The following BIN3 variants were observed in gnomAD, a reference collection of about 807,000 sequenced individuals.
The protein encoded by BIN3 is bridging integrator 3.
BIN3 carries 41 observed loss-of-function variants against 38.2 expected under a neutral mutation model. The ratio of observed to expected loss-of-function variants is 1.07; its 90% CI spans 0.84 to 1.39. The LOEUF is 1.39. Among genes scored for constraint, BIN3 ranks in the 40% most tolerant of loss-of-function variants. The pLI, the probability that BIN3 is intolerant of heterozygous loss-of-function variation, is 0.00. For missense variants in BIN3, 361 were observed against 324.3 expected, an observed-to-expected ratio of 1.11 and a Z score of -0.87; for synonymous variants, 145 against 122.6, an observed-to-expected ratio of 1.18 and a Z score of -1.21.
At chr8:22,629,875 C>T (rs6558170) in intron 6 of BIN3, 89 bp downstream of exon 6, 4 of 1,290,090 alleles carry the variant, frequency 3.1e-6, no homozygotes, top group South Asian at 2.5e-5. Flanking sequence ...TCTGGGGACA[C>T]GCAGCTAGAA....
chr8:22,637,731 G>C (rs1329732398), intron 2 of BIN3, among the ~76,000 whole-genome samples: 1 of 152,198 alleles, frequency 6.6e-6, no homozygotes, highest in East Asian at 1.9e-4. Flanking sequence ...CATGCAATGG[G>C]AAGTAAATGA....
Position 22,658,710 on chromosome 8 carries a change from C to T in BIN3, c.8+10334G>A, listed in dbSNP as rs549661913. Among the ~76,000 whole-genome samples, 4 of 152,272 alleles carry T rather than the reference C, an allele frequency of 2.6e-5. No individual in the cohort carries two copies. In the East Asian group the frequency reaches 7.7e-4, roughly 29 times the overall value. ...GGCCTGGCTTGGGGATGGAAAGAAC[C>T]CTGGAGTGATTCAGTCTGCCCCACC... On this transcript the variant is annotated intron_variant, in intron 1 of 8. Coordinates refer to ENST00000276416, the MANE Select transcript of BIN3 (RefSeq NM_018688.6).
chr8:22,627,670 C>A (rs910361237), intron 6 of BIN3, among the ~76,000 whole-genome samples: 1 of 152,206 alleles, frequency 6.6e-6, no homozygotes, highest in African/African-American at 2.4e-5. Flanking sequence ...TCTCTCCCTG[C>A]CCACCTCAGC....
chr8:22,637,243 G>C (rs1481435936), intron 2 of BIN3, among the ~76,000 whole-genome samples: 1 of 152,146 alleles, frequency 6.6e-6, no homozygotes, highest in Non-Finnish European at 1.5e-5. Flanking sequence ...CAAGGCACTC[G>C]CTGCATGCCC....
intron 4 of BIN3, among the ~76,000 whole-genome samples, chr8:22,634,692 C>T (rs138298394): frequency 2.5e-4 from 38 of 152,290 alleles, no homozygotes; most frequent in African/African-American, 7.5e-4. Context: ...AGTGAGGCCG[C>T]CCCATTTGCA....
chr8:22,638,248 CT>C (rs1802434416), intron 2 of BIN3, among the ~76,000 whole-genome samples: 1 of 152,220 alleles, frequency 6.6e-6, no homozygotes, highest in African/African-American at 2.4e-5. Flanking sequence ...AACCTTAGCA[CT>C]CCACGTTTGG....
chr8:22,621,647 C>T, intron 8 of BIN3, 79 bp from the exon 9 acceptor site: 13 of 1,404,316 alleles, frequency 9.3e-6, no homozygotes, highest in South Asian at 1.2e-5. Flanking sequence ...TCACACTTCT[C>T]TGCTACCCCC....
At chr8:22,661,955 G>A (rs1051533631) in intron 1 of BIN3, among the ~76,000 whole-genome samples, 20 of 151,114 alleles carry the variant, frequency 1.3e-4, no homozygotes, top group South Asian at 8.4e-4. Context: ...CACCATGCCC[G>A]GCTAATTTTT....
intron 1 of BIN3, among the ~76,000 whole-genome samples, chr8:22,660,247 A>C (rs1223265396): frequency 6.6e-6 from 1 of 152,248 alleles, no homozygotes; most frequent in Non-Finnish European, 1.5e-5. Context: ...ACAAGTAATC[A>C]CCGATTCTCA....
At chr8:22,658,832 A>C (rs1463759135) in intron 1 of BIN3, among the ~76,000 whole-genome samples, 1 of 151,584 alleles carries the variant, frequency 6.6e-6, no homozygotes, top group Admixed American at 6.6e-5. Context: ...CTGAGCAAAG[A>C]GTAGGCGGTG....
At chr8:22,647,218 G>A (rs184554343) in intron 1 of BIN3, among the ~76,000 whole-genome samples, 150 of 152,314 alleles carry the variant, frequency 9.8e-4, no homozygotes, top group African/African-American at 3.4e-3. Flanking sequence ...TCTTCAAAAC[G>A]ATTCTTGGAG....
intron 2 of BIN3, among the ~76,000 whole-genome samples, chr8:22,638,426 T>C (rs1436858228): frequency 6.6e-6 from 1 of 152,264 alleles, no homozygotes; most frequent in Non-Finnish European, 1.5e-5. Context: ...TTGTTTCAAA[T>C]TTAAACAACA....
At position 22,623,968 on chromosome 8, in the gene BIN3, C is replaced by T. The variant is rs780303402; in HGVS notation, c.562G>A (p.Gly188Ser). The change falls in exon 8 of 9, where the codon GGC becomes AGC. Residue 188 changes from glycine (G) to serine (S), a missense_variant. Transcript: ENST00000276416. ...QLLEEMPRFY[G>S]SRLDYFQPSF... Reference sequence around the variant, plus strand: ...GGCTGGAAGTAGTCGAGGCGGCTGCCGTAGAAGCGCGGCATCTCCTCCAGC... The same window carrying T: ...GGCTGGAAGTAGTCGAGGCGGCTGCTGTAGAAGCGCGGCATCTCCTCCAGC... The T allele has an allele frequency of 1.4e-5, 22 of 1,611,958 alleles. No homozygotes were observed. Among genetic ancestry groups the T allele is most frequent in the East Asian group, 1.1e-4 (5 of 44,866 alleles).
intron 1 of BIN3, among the ~76,000 whole-genome samples, chr8:22,665,274 G>A (rs1161886131): frequency 1.3e-5 from 2 of 152,158 alleles, no homozygotes; most frequent in East Asian, 1.9e-4. Context: ...TGTAGGTTCT[G>A]CAAGTTTTTA....
intron 1 of BIN3, among the ~76,000 whole-genome samples, chr8:22,663,087 C>A (rs1197127934): frequency 6.6e-6 from 1 of 152,198 alleles, no homozygotes; most frequent in Non-Finnish European, 1.5e-5. Flanking sequence ...CCACTGCACT[C>A]CAGCCTGGGC....
chr8:22,648,112 G>A (rs1585196155), intron 1 of BIN3, among the ~76,000 whole-genome samples: 2 of 143,436 alleles, frequency 1.4e-5, no homozygotes, highest in Admixed American at 7.4e-5. Context: ...TCCAGCCTGC[G>A]CGACAGAGTG....
At chr8:22,635,496 G>A in intron 4 of BIN3, among the ~76,000 whole-genome samples, 1 of 152,136 alleles carries the variant, frequency 6.6e-6, no homozygotes, top group East Asian at 1.9e-4. Flanking sequence ...ACCCAGGGAA[G>A]GAGCTGCAGG....
At chr8:22,647,437 C>T (rs1802748470) in intron 1 of BIN3, among the ~76,000 whole-genome samples, 1 of 152,220 alleles carries the variant, frequency 6.6e-6, no homozygotes, top group Non-Finnish European at 1.5e-5. Context: ...GGTCACTCTG[C>T]TGGCTCACAA....
intron 8 of BIN3, among the ~76,000 whole-genome samples, chr8:22,623,095 G>A (rs757149216): frequency 5.9e-5 from 9 of 152,236 alleles, no homozygotes; most frequent in Non-Finnish European, 1.0e-4. Flanking sequence ...GGCCAGGAGG[G>A]GCAGAGCCAC....
Sources: allele counts gnomAD v4.1 joint callset (sites outside exome capture counted in the v4.1 genomes callset), GRCh38; gene constraint gnomAD v4.1.1; transcripts MANE v1.5; gene names NCBI Gene and HGNC (gene_info 2026-07-23, HGNC 2026-07-21).